Variants in FBXW7 observed in about 807,000 individuals in gnomAD.
The protein encoded by FBXW7 is F-box and WD repeat domain containing 7.
In FBXW7, 11 loss-of-function variants were observed where a neutral mutation model predicts 86.3. The ratio of observed to expected loss-of-function variants is 0.13; its 90% CI spans 0.08 to 0.21. The LOEUF (loss-of-function observed/expected upper bound fraction) is 0.21. Ranked by LOEUF, FBXW7 falls within the 10% of genes least tolerant of loss-of-function variation. The pLI, the probability that FBXW7 is intolerant of heterozygous loss-of-function variation, is 1.00. For synonymous variants in FBXW7, 313 were observed against 297.9 expected (o/e 1.05, Z -0.52); for missense variants, 488 against 847.4 (o/e 0.58, Z 5.27).
intron 13 of FBXW7, 160 bp downstream of exon 13, chr4:152,324,024 A>G (rs1345386402): frequency 1.6e-6 from 1 of 606,634 alleles, no homozygotes; most frequent in Non-Finnish European, 2.9e-6. Context: ...TTTCCTCAAG[A>G]GTAGACTAGT....
At chr4:152,340,332 C>A (rs1730593950) in intron 6 of FBXW7, among the ~76,000 whole-genome samples, 1 of 152,080 alleles carries the variant, frequency 6.6e-6, no homozygotes, top group African/African-American at 2.4e-5. Context: ...AATCCCACCA[C>A]TCTGGGAGGC....
intron 4 of FBXW7, among the ~76,000 whole-genome samples, chr4:152,408,251 G>T (rs1737607075): frequency 1.3e-5 from 2 of 152,104 alleles, no homozygotes; most frequent in Admixed American, 6.5e-5. Context: ...CATCTCATTT[G>T]TTTTTCATGT....
chr4:152,463,702 G>A (rs1295946863), intron 2 of FBXW7, among the ~76,000 whole-genome samples: 2 of 152,132 alleles, frequency 1.3e-5, no homozygotes, highest in African/African-American at 2.4e-5. Flanking sequence ...AGGACCTGGC[G>A]ACTGAGAAAG....
At chr4:152,455,652 G>A (rs1012371214) in intron 2 of FBXW7, among the ~76,000 whole-genome samples, 4 of 152,078 alleles carry the variant, frequency 2.6e-5, no homozygotes, top group Admixed American at 6.6e-5. Flanking sequence ...TTGTTACAGC[G>A]GCATTCCACT....
At chr4:152,347,315 A>G (rs1731368585) in intron 5 of FBXW7, among the ~76,000 whole-genome samples, 1 of 152,194 alleles carries the variant, frequency 6.6e-6, no homozygotes, top group Non-Finnish European at 1.5e-5. Context: ...GCTAATTGCA[A>G]CCAAATAACA....
intron 9 of FBXW7, among the ~76,000 whole-genome samples, 199 bp from the exon 10 acceptor site, chr4:152,329,984 AT>A (rs1388658025): frequency 5.3e-5 from 8 of 151,916 alleles, no homozygotes. Flanking sequence ...TCTATTATTT[AT>A]ACTCAAAACA....
At chr4:152,429,600 G>C (rs1739707946) in intron 2 of FBXW7, among the ~76,000 whole-genome samples, 1 of 152,156 alleles carries the variant, frequency 6.6e-6, no homozygotes, top group Admixed American at 6.5e-5. Context: ...CTGGAAGACA[G>C]CTTGGCTTAG....
At chr4:152,334,238 A>G (rs1326744137) in intron 7 of FBXW7, among the ~76,000 whole-genome samples, 2 of 152,226 alleles carry the variant, frequency 1.3e-5, no homozygotes, top group Non-Finnish European at 2.9e-5. Context: ...TATTATGTAG[A>G]GAAGCTGAGT....
chr4:152,467,942 GA>G (rs137947354), intron 2 of FBXW7, among the ~76,000 whole-genome samples: 2,299 of 151,600 alleles, frequency 0.015, 61 homozygotes, highest in African/African-American at 0.052. Flanking sequence ...AATATATAAA[GA>G]ATGTTTACAA....
intron 2 of FBXW7, among the ~76,000 whole-genome samples, chr4:152,427,467 G>A (rs1373396970): frequency 1.3e-5 from 2 of 152,308 alleles, no homozygotes; most frequent in African/African-American, 4.8e-5. Flanking sequence ...TAACCTGGGA[G>A]TGTTAAGACC....
At position 152,507,623 on chromosome 4, in the gene FBXW7, T is replaced by C. The variant is rs555816132; in HGVS notation, c.-120+27318A>G. Among the ~76,000 whole-genome samples, 22 of 152,324 alleles carry C rather than the reference T, an allele frequency of 1.4e-4. No individual in the cohort carries two copies. The South Asian group carries it at 4.3e-3, about 30-fold the overall frequency. On this transcript the variant is annotated intron_variant, in intron 2 of 13. Coordinates refer to ENST00000281708, the MANE Select transcript of FBXW7 (RefSeq NM_001349798.2). ...TTTTAAAAAGATGGTAAGATACAAGTACTGGGGGCAGGGGGAATGGAAGAA... is the reference window on the plus strand; with the variant it reads ...TTTTAAAAAGATGGTAAGATACAAGCACTGGGGGCAGGGGGAATGGAAGAA...
intron 13 of FBXW7, 65 bp from the exon 14 acceptor site, chr4:152,323,214 T>C (rs746797207): frequency 3.6e-5 from 55 of 1,518,140 alleles, no homozygotes; most frequent in Non-Finnish European, 4.5e-5. Context: ...AGTTACATTA[T>C]AATTTGTAGA....
chr4:152,508,251 A>G (rs1001420249), intron 2 of FBXW7, among the ~76,000 whole-genome samples: 15 of 152,000 alleles, frequency 9.9e-5, no homozygotes, highest in African/African-American at 3.1e-4. Context: ...ATAAGAGGGG[A>G]AAAAAAATCC....
chr4:152,324,127 T>C (rs1728796738), intron 13 of FBXW7, 57 bp downstream of exon 13: 14 of 1,363,394 alleles, frequency 1.0e-5, no homozygotes, highest in Non-Finnish European at 1.5e-5. Flanking sequence ...GCTCCATATT[T>C]CTCTTGAATA....
At chr4:152,418,825 A>C (rs1053726668) in intron 2 of FBXW7, among the ~76,000 whole-genome samples, 1 of 152,204 alleles carries the variant, frequency 6.6e-6, no homozygotes, top group Admixed American at 6.5e-5. Flanking sequence ...GTTGAAAATG[A>C]AATTAACATG....
intron 4 of FBXW7, among the ~76,000 whole-genome samples, chr4:152,353,834 G>A (rs988043860): frequency 1.3e-5 from 2 of 152,080 alleles, no homozygotes; most frequent in Non-Finnish European, 2.9e-5. Flanking sequence ...AAGATTCCTT[G>A]AGCTAGAAAA....
At chr4:152,429,416 C>T (rs1039330606) in intron 2 of FBXW7, among the ~76,000 whole-genome samples, 1 of 151,840 alleles carries the variant, frequency 6.6e-6, no homozygotes, top group Admixed American at 6.6e-5. Flanking sequence ...GGCTCATGAC[C>T]CTGATGATTG....
intron 2 of FBXW7, among the ~76,000 whole-genome samples, chr4:152,412,931 T>C (rs1283978619): frequency 6.6e-6 from 1 of 152,138 alleles, no homozygotes; most frequent in Non-Finnish European, 1.5e-5. Context: ...TTTTTTAACC[T>C]AGGCTCTAGA....
intron 13 of FBXW7, chr4:152,323,795 T>C (rs1392865781): frequency 5.5e-6 from 1 of 180,692 alleles, no homozygotes; most frequent in African/African-American, 2.4e-5. Context: ...AAATTTTCTA[T>C]CAAGGATGCT....
Sources: allele counts gnomAD v4.1 joint callset (sites outside exome capture counted in the v4.1 genomes callset), GRCh38; gene constraint gnomAD v4.1.1; transcripts MANE v1.5; gene names NCBI Gene and HGNC (gene_info 2026-07-23, HGNC 2026-07-21).